CTNND2: variants seen among roughly 807,000 people sequenced by gnomAD.
CTNND2 encodes the protein catenin delta-2.
CTNND2 carries 22 observed loss-of-function variants against 144.4 expected under a neutral mutation model. That is an observed-to-expected ratio of 0.15 (90% CI 0.11 to 0.22). CTNND2 has a LOEUF of 0.22. Ranked by LOEUF, CTNND2 falls within the 10% of genes least tolerant of loss-of-function variation. CTNND2 has a pLI of 1.00. For missense variants in CTNND2, 1,353 were observed against 1,618.8 expected, an observed-to-expected ratio of 0.84 and a Z score of 2.82; for synonymous variants, 751 against 695.6, an observed-to-expected ratio of 1.08 and a Z score of -1.25.
At chr5:11,596,192 TTC>T (rs1779494239) in intron 2 of CTNND2, among the ~76,000 whole-genome samples, 1 of 152,230 alleles carries the variant, frequency 6.6e-6, no homozygotes, top group South Asian at 2.1e-4. Flanking sequence ...AGGCACTGTC[TTC>T]TAAGAAATAA....
At chr5:11,336,788 A>C (rs977376646) in intron 9 of CTNND2, among the ~76,000 whole-genome samples, 1 of 152,208 alleles carries the variant, frequency 6.6e-6, no homozygotes, top group African/African-American at 2.4e-5. Flanking sequence ...ATCTACATAT[A>C]ATTTATGTGT....
chr5:11,084,112 C>A (rs533521287), intron 15 of CTNND2, among the ~76,000 whole-genome samples: 3 of 152,370 alleles, frequency 2.0e-5, no homozygotes, highest in Admixed American at 6.5e-5. Context: ...GGGTAGGGAG[C>A]AGGTAAAGCT....
chr5:11,608,433 T>C lies in CTNND2; in HGVS notation c.175-43377A>G, dbSNP rs577916113. Among the ~76,000 whole-genome samples, 391 of 152,232 alleles carry C rather than the reference T, an allele frequency of 2.6e-3. 3 individuals are homozygous for C. Among genetic ancestry groups the C allele is most frequent in the Middle Eastern group, 3.4e-3 (1 of 294 alleles). ...CTGGCATTTCTCCCATTATTCCCAT[T>C]CCACCACTCTCCACCTTTCCTCTCT... On this transcript the variant is annotated intron_variant, in intron 2 of 21. Transcript: ENST00000304623.
chr5:11,401,420 T>A (rs188883288), intron 5 of CTNND2, among the ~76,000 whole-genome samples: 1 of 152,310 alleles, frequency 6.6e-6, no homozygotes, highest in African/African-American at 2.4e-5. Flanking sequence ...AGGTCTACAA[T>A]GTGGCATTCC....
chr5:11,562,071 T>G (rs1482372375), intron 3 of CTNND2, among the ~76,000 whole-genome samples: 1 of 152,020 alleles, frequency 6.6e-6, no homozygotes, highest in Non-Finnish European at 1.5e-5. Flanking sequence ...GAGAGAGATC[T>G]TGGGAATCAG....
chr5:11,439,836 T>C (rs1435296219), intron 3 of CTNND2, among the ~76,000 whole-genome samples: 5 of 151,946 alleles, frequency 3.3e-5, no homozygotes, highest in African/African-American at 1.2e-4. Flanking sequence ...TGTATGTATA[T>C]ATATTTATTT....
chr5:11,268,836 C>A (rs898233551), intron 9 of CTNND2, among the ~76,000 whole-genome samples: 5 of 152,176 alleles, frequency 3.3e-5, no homozygotes, highest in African/African-American at 1.2e-4. Context: ...TCTTTTAAAA[C>A]AAGATGTTCA....
chr5:11,744,687 G>GTA (rs1217423070), intron 1 of CTNND2, among the ~76,000 whole-genome samples: 1 of 141,782 alleles, frequency 7.1e-6, no homozygotes, highest in Non-Finnish European at 1.5e-5. Context: ...GTGTGTGTTT[G>GTA]TGTGTGTGCG....
At chr5:11,206,910 C>A (rs1679809738) in intron 10 of CTNND2, among the ~76,000 whole-genome samples, 1 of 152,214 alleles carries the variant, frequency 6.6e-6, no homozygotes, top group Admixed American at 6.5e-5. Context: ...CTCTCTCTCT[C>A]TCTCTGACTA....
rs546599113 is a variant in CTNND2, at chr5:11,570,860, T to G, written c.175-5804A>C. Among the ~76,000 whole-genome samples the G allele has an allele frequency of 2.0e-5, 3 of 152,198 alleles. No homozygotes were observed. The East Asian group carries it at 5.8e-4, about 29-fold the overall frequency. ...CCTCCTTTTTAACATTACTCTTGCTTTTTCTTCAACTCTCATTATTCAGAT... is the reference window on the plus strand; with the variant it reads ...CCTCCTTTTTAACATTACTCTTGCTGTTTCTTCAACTCTCATTATTCAGAT... On this transcript the variant is annotated intron_variant, in intron 2 of 21. Coordinates refer to ENST00000304623, the MANE Select transcript of CTNND2 (RefSeq NM_001332.4).
At chr5:11,859,891 C>T (rs954349892) in intron 1 of CTNND2, among the ~76,000 whole-genome samples, 2 of 152,150 alleles carry the variant, frequency 1.3e-5, no homozygotes, top group Non-Finnish European at 2.9e-5. Flanking sequence ...CCTATACTTA[C>T]CACAGTATAA....
chr5:11,819,175 T>G (rs1476783897), intron 1 of CTNND2, among the ~76,000 whole-genome samples: 2 of 152,222 alleles, frequency 1.3e-5, no homozygotes, highest in Non-Finnish European at 2.9e-5. Flanking sequence ...TAGACCACAC[T>G]GTAATCCCAG....
intron 8 of CTNND2, among the ~76,000 whole-genome samples, chr5:11,356,890 A>AT (rs1755943666): frequency 6.6e-6 from 1 of 152,062 alleles, no homozygotes; most frequent in Admixed American, 6.6e-5. Context: ...ACATTTCTCA[A>AT]TACAAGACAT....
chr5:11,631,015 T>G (rs887986765), intron 2 of CTNND2, among the ~76,000 whole-genome samples: 1 of 152,094 alleles, frequency 6.6e-6, no homozygotes, highest in East Asian at 1.9e-4. Flanking sequence ...CATACATCTC[T>G]TAACTCTTCA....
chr5:10,987,629 T>A (rs1380602990), intron 20 of CTNND2, among the ~76,000 whole-genome samples: 1 of 56,868 alleles, frequency 1.8e-5, no homozygotes. Flanking sequence ...CCTCCTGCCC[T>A]CCTCTTTCCA....
chr5:11,714,341 A>C (rs1476566384), intron 2 of CTNND2, among the ~76,000 whole-genome samples: 2 of 152,104 alleles, frequency 1.3e-5, no homozygotes, highest in African/African-American at 2.4e-5. Context: ...TATTTTTCTT[A>C]AGATTACTGC....
intron 9 of CTNND2, among the ~76,000 whole-genome samples, chr5:11,337,953 G>C (rs1561241115): frequency 6.6e-6 from 1 of 152,312 alleles, no homozygotes; most frequent in East Asian, 1.9e-4. Flanking sequence ...TCCTGGAACA[G>C]GGGATATAGT....
At chr5:11,099,121 A>G (rs966622223) in intron 14 of CTNND2, among the ~76,000 whole-genome samples, 1 of 152,228 alleles carries the variant, frequency 6.6e-6, no homozygotes, top group Admixed American at 6.5e-5. Flanking sequence ...AGCATATTTT[A>G]TAGTAAGCAT....
rs544771539 is a variant in CTNND2, at chr5:11,115,020, T to C, written c.2277+2430A>G. ...CTCCTTGTCACAGAGTTGAGGTCAG[T>C]TGGATATGGTGCTCCAGCCAGTGGG... On this transcript the variant is annotated intron_variant, in intron 13 of 21. Coordinates refer to ENST00000304623, the MANE Select transcript of CTNND2 (RefSeq NM_001332.4). Among the ~76,000 whole-genome samples, 8 of 152,278 alleles carry C rather than the reference T, an allele frequency of 5.3e-5. No individual in the cohort carries two copies. The East Asian group carries it at 1.5e-3, about 29-fold the overall frequency.
Sources: gnomAD v4.1 joint callset for allele counts (sites outside exome capture counted in the v4.1 genomes callset) on GRCh38, gnomAD v4.1.1 for gene constraint, MANE v1.5 for transcripts, NCBI Gene and HGNC (gene_info 2026-07-23, HGNC 2026-07-21) for gene names.